TRMT9B: variants seen among roughly 807,000 people sequenced by gnomAD.
TRMT9B encodes the protein tRNA methyltransferase 9B (putative), also known as probable tRNA methyltransferase 9B.
In TRMT9B, 16 loss-of-function variants were observed where a neutral mutation model predicts 11.5. The observed-to-expected ratio is 1.39, with a 90% CI of 0.94 to 2.11. The LOEUF (loss-of-function observed/expected upper bound fraction) is 2.11, where lower values mean the gene tolerates loss of function less well. Ranked by LOEUF, TRMT9B falls within the 30% of genes most tolerant of loss-of-function variation. The probability of loss-of-function intolerance (pLI) is 0.00; values close to 1 mark genes in which losing one functional copy is unlikely to be tolerated. For missense variants in TRMT9B, 941 were observed against 553.8 expected, an observed-to-expected ratio of 1.70 and a Z score of -7.02; for synonymous variants, 274 against 192.4, an observed-to-expected ratio of 1.42 and a Z score of -3.51.
intron 3 of TRMT9B, chr8:13,011,592 G>A (rs1811620610): frequency 1.1e-6 from 1 of 946,176 alleles, no homozygotes; most frequent in Non-Finnish European, 1.3e-6. Context: ...TTAGACTGTA[G>A]AAGGCTTTGT....
At chr8:12,997,563 T>C (rs1808592591) in intron 2 of TRMT9B, among the ~76,000 whole-genome samples, 1 of 152,176 alleles carries the variant, frequency 6.6e-6, no homozygotes, top group African/African-American at 2.4e-5. Flanking sequence ...TATTGTTGCA[T>C]ATGGTTGCAA....
chr8:13,012,444 A>G, intron 3 of TRMT9B: 1 of 467,104 alleles, frequency 2.1e-6, no homozygotes, highest in African/African-American at 2.1e-5. Flanking sequence ...TCATGGTGGC[A>G]CGCGCCTATG....
intron 4 of TRMT9B, among the ~76,000 whole-genome samples, chr8:13,017,229 C>T (rs967134096): frequency 7.2e-5 from 11 of 152,034 alleles, no homozygotes; most frequent in African/African-American, 1.9e-4. Context: ...TTTAGAGAGG[C>T]GAGGCATGTA....
In TRMT9B at chr8:13,024,972, GTCC is replaced by G; in HGVS notation, c.*2931_*2933del. On this transcript the variant is annotated 3_prime_UTR_variant, in exon 5 of 5. Coordinates refer to ENST00000524591, the MANE Select transcript of TRMT9B (RefSeq NM_020844.3). Reference sequence around the variant, plus strand: ...TCTTGATCATTTAAAAAGCTTGCTTGTCCTCGAAAGGAAACACAGGTCATCAGT... The same window carrying G: ...TCTTGATCATTTAAAAAGCTTGCTTGTCGAAAGGAAACACAGGTCATCAGT... 1 of 167,016 alleles carries G rather than the reference GTCC, an allele frequency of 6.0e-6. No individual in the cohort carries two copies. The highest frequency in any genetic ancestry group is 2.1e-4 in the South Asian group (1 of 4,834). The allele number at this position is 167,016 out of a possible 1,614,324, so 10.3% of individuals were successfully genotyped here. A position where few individuals can be genotyped will look rare whatever the true frequency, so the allele number is the denominator to read the frequency against.
intron 1 of TRMT9B, among the ~76,000 whole-genome samples, chr8:12,982,932 C>T (rs1302531122): frequency 6.6e-6 from 1 of 152,118 alleles, no homozygotes; most frequent in Non-Finnish European, 1.5e-5. Flanking sequence ...CCTCGCATGC[C>T]CAGATTTCCC....
At position 13,027,001 on chromosome 8, in the gene TRMT9B, T is replaced by C. The variant is rs925273859; in HGVS notation, c.*4957T>C. On this transcript the variant is annotated 3_prime_UTR_variant, in exon 5 of 5. Coordinates refer to ENST00000524591, the MANE Select transcript of TRMT9B (RefSeq NM_020844.3). Reference sequence around the variant, plus strand: ...TTTCGATTTGATTTGAATTAAAAAATAGTTCTTGGTTGCAAAATATTCTGG... The same window carrying C: ...TTTCGATTTGATTTGAATTAAAAAACAGTTCTTGGTTGCAAAATATTCTGG... 1.8e-5 allele frequency: 3 copies of C among 167,114 alleles called. No homozygotes were observed. Among genetic ancestry groups the C allele is most frequent in the Admixed American group, 1.3e-4 (2 of 15,282 alleles). The allele number at this position is 167,114 out of a possible 1,614,324, so 10.4% of individuals were successfully genotyped here.
intron 1 of TRMT9B, among the ~76,000 whole-genome samples, chr8:12,969,128 G>A (rs186138668): frequency 1.8e-3 from 278 of 152,250 alleles, no homozygotes; most frequent in African/African-American, 6.4e-3. Context: ...CAGGAGAATC[G>A]CTTGGAAGGT....
Position 13,021,551 on chromosome 8 carries a change from G to C in TRMT9B, c.872G>C (p.Ser291Thr), listed in dbSNP as rs1563458953. Reference sequence around the variant, plus strand: ...ACAGTCCAGCCTTCCAGACACTCTAGTTTAGACTTTGATCACCAAGAGCCA... The same window carrying C: ...ACAGTCCAGCCTTCCAGACACTCTACTTTAGACTTTGATCACCAAGAGCCA... The part of the protein sequence containing the change: ...TVTVQPSRHS[S>T]LDFDHQEPFS... The change falls in exon 5 of 5, where the codon AGT becomes ACT. Residue 291 changes from serine to threonine, a missense_variant. Coordinates refer to ENST00000524591, the MANE Select transcript of TRMT9B (RefSeq NM_020844.3). 1.2e-6 allele frequency: 2 copies of C among 1,613,932 alleles called. No homozygotes were observed. The highest frequency in any genetic ancestry group is 2.2e-5 in the East Asian group (1 of 44,880).
Position 13,015,489 on chromosome 8 carries a change from C to A in TRMT9B, c.328+2632C>A, listed in dbSNP as rs116880115. ...GCCTCAGCCTCCCAAGTAGCTGGGA[C>A]TACAAGCACACATCACCATGCCTGG... is the stretch of plus-strand genomic sequence containing the variant. On this transcript the variant is annotated intron_variant, in intron 4 of 4. Coordinates refer to ENST00000524591, the MANE Select transcript of TRMT9B (RefSeq NM_020844.3). Among the ~76,000 whole-genome samples, 636 of 152,198 alleles carry A rather than the reference C, an allele frequency of 4.2e-3. 3 individuals are homozygous for A. The highest frequency in any genetic ancestry group is 7.2e-3 in the Non-Finnish European group (488 of 68,016).
At position 13,021,919 on chromosome 8, in the gene TRMT9B, G is replaced by C. The variant is rs776098458; in HGVS notation, c.1240G>C (p.Val414Leu). Residue 414 changes from valine to leucine, a missense_variant, in exon 5 of 5, where the codon GTG (valine) becomes CTG (leucine). Transcript: ENST00000524591. ...CACAGCCTTTATGCGCTACTACCAT[G>C]TGTTTCGAGAAGGGGAGCTCTGCAG... ...DSTAFMRYYH[V>L]FREGELCSLL... 2 of 1,613,762 alleles carry C rather than the reference G, an allele frequency of 1.2e-6. No homozygotes were observed. Among genetic ancestry groups the C allele is most frequent in the South Asian group, 2.2e-5 (2 of 91,062 alleles).
intron 1 of TRMT9B, among the ~76,000 whole-genome samples, chr8:12,959,713 G>C (rs975645528): frequency 4.6e-5 from 7 of 151,324 alleles, no homozygotes; most frequent in African/African-American, 1.7e-4. Context: ...TGTATACTAG[G>C]TCTCACAAAA....
chr8:13,009,364 G>T (rs1303239616), intron 3 of TRMT9B, among the ~76,000 whole-genome samples: 1 of 152,044 alleles, frequency 6.6e-6, no homozygotes. Flanking sequence ...CTATCAACAA[G>T]TCACAAGAAA....
chr8:12,994,594 C>CT (rs963336182), intron 2 of TRMT9B, among the ~76,000 whole-genome samples: 30 of 152,312 alleles, frequency 2.0e-4, no homozygotes, highest in African/African-American at 6.7e-4. Flanking sequence ...CTAAGAGGAC[C>CT]TTAAAAGCAG....
At chr8:12,991,900 C>A (rs967946460) in intron 2 of TRMT9B, among the ~76,000 whole-genome samples, 2 of 152,160 alleles carry the variant, frequency 1.3e-5, no homozygotes, top group African/African-American at 4.8e-5. Context: ...CACTGCACTC[C>A]AGGCTGGGCA....
chr8:12,973,126 T>C (rs1456561679), intron 1 of TRMT9B, among the ~76,000 whole-genome samples: 2 of 152,224 alleles, frequency 1.3e-5, no homozygotes, highest in African/African-American at 4.8e-5. Context: ...GAGCATAATG[T>C]CTTCCGGGTT....
chr8:13,015,341 T>C (rs1238520395), intron 4 of TRMT9B, among the ~76,000 whole-genome samples: 2 of 152,128 alleles, frequency 1.3e-5, no homozygotes, highest in African/African-American at 2.4e-5. Flanking sequence ...CTCCCTAACC[T>C]TCAGCATTTA....
intron 2 of TRMT9B, among the ~76,000 whole-genome samples, chr8:12,992,003 T>A (rs899727563): frequency 6.6e-6 from 1 of 152,156 alleles, no homozygotes; most frequent in Admixed American, 6.5e-5. Context: ...AAAAGCTCAG[T>A]CTTGCTTTCC....
intron 1 of TRMT9B, among the ~76,000 whole-genome samples, chr8:12,966,722 G>C (rs1307157761): frequency 3.9e-5 from 6 of 152,158 alleles, no homozygotes; most frequent in African/African-American, 1.2e-4. Context: ...GTAAGAACTG[G>C]ATGCTGTGGG....
chr8:12,989,091 C>A (rs992314875), intron 1 of TRMT9B, among the ~76,000 whole-genome samples: 2 of 149,458 alleles, frequency 1.3e-5, no homozygotes, highest in Non-Finnish European at 1.5e-5. Context: ...TTTTTTTTTT[C>A]AAAAATCTGG....
Sources: allele counts gnomAD v4.1 joint callset (sites outside exome capture counted in the v4.1 genomes callset), GRCh38; gene constraint gnomAD v4.1.1; transcripts MANE v1.5; gene names NCBI Gene and HGNC (gene_info 2026-07-23, HGNC 2026-07-21).